Variants in LARP4B observed in about 807,000 individuals in gnomAD.
LARP4B encodes the protein la-related protein 4B.
A neutral mutation model predicts 89.8 loss-of-function variants in LARP4B; 12 were observed. The observed-to-expected ratio is 0.13, with a 90% CI of 0.09 to 0.22. LARP4B has a LOEUF of 0.22. LARP4B is among the 10% of genes least tolerant of loss of function. The pLI, the probability that LARP4B is intolerant of heterozygous loss-of-function variation, is 1.00. For synonymous variants in LARP4B, 367 were observed against 363.3 expected (o/e 1.01, Z -0.12); for missense variants, 757 against 947.7 (o/e 0.80, Z 2.64).
the LARP4B span, among the ~76,000 whole-genome samples, chr10:966,577 G>C: frequency 1.3e-5 from 2 of 152,276 alleles, no homozygotes; most frequent in African/African-American, 4.8e-5. Context: ...AAGGCTGGTG[G>C]AGCTGCAGGC....
chr10:966,499 C>A, the LARP4B span, among the ~76,000 whole-genome samples: 1 of 152,184 alleles, frequency 6.6e-6, no homozygotes, highest in Non-Finnish European at 1.5e-5. Context: ...CCTTTGAGGA[C>A]AAAAGGAACA....
At chr10:917,889 C>T (rs1316983664) in intron 1 of LARP4B, among the ~76,000 whole-genome samples, 1 of 152,098 alleles carries the variant, frequency 6.6e-6, no homozygotes, top group East Asian at 1.9e-4. Context: ...TAAGCTGGTC[C>T]TCCTAAGATT....
chr10:917,374 T>C (rs570457019), intron 1 of LARP4B, among the ~76,000 whole-genome samples: 1 of 152,356 alleles, frequency 6.6e-6, no homozygotes, highest in Non-Finnish European at 1.5e-5. Flanking sequence ...TCTTATTTTA[T>C]GACAGTCTAA....
intron 5 of LARP4B, 87 bp from the exon 6 acceptor site, chr10:845,142 C>T: frequency 1.1e-6 from 1 of 884,366 alleles, no homozygotes; most frequent in Non-Finnish European, 1.8e-6. Context: ...ATGCTTTCAA[C>T]TTACGTTCTG....
chr10:878,714 G>A (rs147305487), intron 3 of LARP4B, among the ~76,000 whole-genome samples: 51 of 152,268 alleles, frequency 3.3e-4, no homozygotes, highest in African/African-American at 9.6e-4. Context: ...AGCGGACTCC[G>A]ACACATCTGT....
chr10:860,142 T>C (rs1332408065), intron 5 of LARP4B, among the ~76,000 whole-genome samples: 2 of 143,296 alleles, frequency 1.4e-5, no homozygotes, highest in African/African-American at 5.1e-5. Context: ...GGGAGGGGAG[T>C]ATATGGGAGA....
chr10:962,298 C>CAAAAAAAAAAAAAA, the LARP4B span, among the ~76,000 whole-genome samples: 1 of 60,602 alleles, frequency 1.7e-5, no homozygotes, highest in Non-Finnish European at 3.5e-5. Context: ...ACTCCATCTC[C>CAAAAAAAAAAAAAA]AAAAAAAAAA....
At chr10:813,697 A>G (rs1831862668) in intron 17 of LARP4B, among the ~76,000 whole-genome samples, 1 of 152,256 alleles carries the variant, frequency 6.6e-6, no homozygotes, top group Non-Finnish European at 1.5e-5. Flanking sequence ...ATATCTAAGA[A>G]TGATGAAGAC....
chr10:932,550 G>A (rs1830678308), upstream of LARP4B, among the ~76,000 whole-genome samples: 6 of 60,306 alleles, frequency 9.9e-5, no homozygotes, highest in Non-Finnish European at 1.3e-4. Flanking sequence ...CCCAGGCCCC[G>A]GCCCTGCCCC....
chr10:865,855 T>G (rs564870606), intron 3 of LARP4B, among the ~76,000 whole-genome samples: 9 of 152,314 alleles, frequency 5.9e-5, no homozygotes, highest in African/African-American at 2.2e-4. Flanking sequence ...TGGTCCCCGG[T>G]GCCCCTTGGA....
intron 5 of LARP4B, among the ~76,000 whole-genome samples, chr10:849,591 G>GA (rs2131768984): frequency 6.6e-6 from 1 of 152,272 alleles, no homozygotes; most frequent in South Asian, 2.1e-4. Flanking sequence ...CATGGAGGGG[G>GA]ACCATAAATC....
intron 3 of LARP4B, among the ~76,000 whole-genome samples, chr10:880,483 C>T (rs1234573893): frequency 2.6e-5 from 4 of 152,032 alleles, no homozygotes; most frequent in Admixed American, 6.6e-5. Context: ...GGCCAGAGTT[C>T]GAGACCAGCT....
the LARP4B span, among the ~76,000 whole-genome samples, chr10:940,738 C>T: frequency 1.3e-5 from 2 of 152,322 alleles, no homozygotes; most frequent in South Asian, 2.1e-4. Context: ...AGTGCGGGAG[C>T]GCAGGAGAGG....
chr10:922,612 A>G (rs983144673), intron 1 of LARP4B, among the ~76,000 whole-genome samples: 39 of 152,060 alleles, frequency 2.6e-4, no homozygotes, highest in African/African-American at 8.5e-4. Context: ...GGCTGCAGTG[A>G]GCAGTGGCCA....
At chr10:951,461 G>A in the LARP4B span, among the ~76,000 whole-genome samples, 5 of 151,896 alleles carry the variant, frequency 3.3e-5, no homozygotes, top group Non-Finnish European at 5.9e-5. Context: ...AACTAGAACC[G>A]CTTGAACCCA....
intron 14 of LARP4B, chr10:819,673 T>TA (rs1248928396): frequency 6.6e-6 from 1 of 152,284 alleles, no homozygotes; most frequent in Non-Finnish European, 1.5e-5. Context: ...GCCCTGTGTT[T>TA]AGATGCTTGA....
intron 13 of LARP4B, 102 bp downstream of exon 13, chr10:824,963 T>A (rs1832546049): frequency 8.2e-7 from 1 of 1,214,080 alleles, no homozygotes; most frequent in African/African-American, 1.5e-5. Context: ...TTCAGTTAGA[T>A]TTTCTGTGAC....
the LARP4B span, among the ~76,000 whole-genome samples, chr10:952,373 C>T: frequency 1.5e-5 from 2 of 129,310 alleles, no homozygotes; most frequent in East Asian, 2.3e-4. Flanking sequence ...AGGAAGAAAT[C>T]GCAGCAGTCC....
the LARP4B span, among the ~76,000 whole-genome samples, chr10:947,371 G>C: frequency 2.0e-5 from 3 of 151,918 alleles, no homozygotes; most frequent in Admixed American, 6.6e-5. Context: ...TGGCTCTCGG[G>C]GGCAGGATGG....
Sources: gnomAD v4.1 joint callset for allele counts (sites outside exome capture counted in the v4.1 genomes callset) on GRCh38, gnomAD v4.1.1 for gene constraint, MANE v1.5 for transcripts, NCBI Gene and HGNC (gene_info 2026-07-23, HGNC 2026-07-21) for gene names.